Variants in CNTNAP2 observed in about 807,000 individuals in gnomAD.
The protein encoded by CNTNAP2 is contactin-associated protein-like 2.
Under a neutral mutation model 155.2 loss-of-function variants are expected in CNTNAP2, and 98 were observed. The ratio of observed to expected loss-of-function variants is 0.63; its 90% CI spans 0.54 to 0.75. The LOEUF (loss-of-function observed/expected upper bound fraction) is 0.75, where lower values mean the gene tolerates loss of function less well. CNTNAP2 is among the 30% of genes least tolerant of loss of function. The pLI is 0.00. For synonymous variants in CNTNAP2, 651 were observed against 631.2 expected, an observed-to-expected ratio of 1.03 and a Z score of -0.47; for missense variants, 1,727 against 1,688.1, an observed-to-expected ratio of 1.02 and a Z score of -0.40.
chr7:147,850,833 A>G (rs1464620377), intron 13 of CNTNAP2, among the ~76,000 whole-genome samples: 6 of 152,176 alleles, frequency 3.9e-5, no homozygotes, highest in Non-Finnish European at 7.4e-5. Context: ...AAGAAAACCT[A>G]GGCAATACCA....
intron 13 of CNTNAP2, among the ~76,000 whole-genome samples, chr7:147,750,564 T>A (rs1188199151): frequency 6.6e-6 from 1 of 152,214 alleles, no homozygotes; most frequent in Non-Finnish European, 1.5e-5. Flanking sequence ...GGTCTGTACT[T>A]CATAGGTGAC....
chr7:147,496,427 C>A (rs1187397683), intron 11 of CNTNAP2, among the ~76,000 whole-genome samples: 1 of 152,112 alleles, frequency 6.6e-6, no homozygotes, highest in Non-Finnish European at 1.5e-5. Flanking sequence ...TTTTTGAAAA[C>A]CATTTGGATG....
At chr7:147,912,226 A>G (rs947505762) in intron 14 of CNTNAP2, among the ~76,000 whole-genome samples, 13 of 152,296 alleles carry the variant, frequency 8.5e-5, no homozygotes, top group African/African-American at 3.1e-4. Flanking sequence ...AGGCACATCC[A>G]TATTTCACTA....
chr7:147,511,727 G>C (rs896823956), intron 11 of CNTNAP2, among the ~76,000 whole-genome samples: 2 of 151,488 alleles, frequency 1.3e-5, no homozygotes, highest in Admixed American at 6.6e-5. Flanking sequence ...TGTGTAGATA[G>C]AAAGCTCTTT....
intron 18 of CNTNAP2, among the ~76,000 whole-genome samples, chr7:148,208,818 GA>G (rs1377858874): frequency 6.6e-6 from 1 of 152,062 alleles, no homozygotes; most frequent in African/African-American, 2.4e-5. Context: ...CCTCTTTCTT[GA>G]AAAACCCTTT....
intron 3 of CNTNAP2, among the ~76,000 whole-genome samples, chr7:146,950,519 C>T (rs1436525052): frequency 6.6e-6 from 1 of 152,088 alleles, no homozygotes; most frequent in Non-Finnish European, 1.5e-5. Context: ...TGTTTAATTA[C>T]CACTTATGAG....
intron 13 of CNTNAP2, among the ~76,000 whole-genome samples, chr7:147,725,241 A>C (rs10156108): frequency 0.078 from 11,879 of 152,072 alleles, 1,128 homozygotes; most frequent in African/African-American, 0.22. Context: ...ATCTTTTGAG[A>C]ATTTAAACCC....
At chr7:147,102,954 C>T (rs1175564060) in intron 4 of CNTNAP2, among the ~76,000 whole-genome samples, 1 of 152,096 alleles carries the variant, frequency 6.6e-6, no homozygotes, top group African/African-American at 2.4e-5. Context: ...CTAATGTTAC[C>T]AGTCTTTTCA....
At chr7:147,089,847 C>A (rs1454892503) in intron 4 of CNTNAP2, among the ~76,000 whole-genome samples, 2 of 152,194 alleles carry the variant, frequency 1.3e-5, no homozygotes, top group African/African-American at 4.8e-5. Context: ...TTCATATAAG[C>A]ACCCGTCCTC....
intron 10 of CNTNAP2, among the ~76,000 whole-genome samples, chr7:147,462,187 C>A (rs1186393183): frequency 6.6e-6 from 1 of 152,190 alleles, no homozygotes; most frequent in Non-Finnish European, 1.5e-5. Context: ...CTCCCCATCA[C>A]CACCATAGAT....
intron 14 of CNTNAP2, among the ~76,000 whole-genome samples, chr7:147,945,914 C>A (rs1800813414): frequency 7.2e-6 from 1 of 138,158 alleles, no homozygotes; most frequent in African/African-American, 2.7e-5. Context: ...TCGCCCCAGG[C>A]TGGAGTGCGG....
chr7:146,696,651 A>T (rs1328396737), intron 1 of CNTNAP2, among the ~76,000 whole-genome samples: 2 of 152,100 alleles, frequency 1.3e-5, no homozygotes, highest in Non-Finnish European at 2.9e-5. Context: ...TAATACATGC[A>T]TTCAGTGCTA....
chr7:147,907,859 G>A (rs1035681865), intron 14 of CNTNAP2, among the ~76,000 whole-genome samples: 4 of 151,924 alleles, frequency 2.6e-5, no homozygotes, highest in South Asian at 4.2e-4. Flanking sequence ...TAGGCTCACC[G>A]CAACCTCTGC....
chr7:148,159,942 T>G (rs577517530), intron 17 of CNTNAP2, among the ~76,000 whole-genome samples: 1 of 152,258 alleles, frequency 6.6e-6, no homozygotes, highest in East Asian at 1.9e-4. Flanking sequence ...GTCTCTGCTC[T>G]TAAAACTACC....
In CNTNAP2 at chr7:147,018,481, G is replaced by C. The variant is rs377710022; in HGVS notation, c.403-25426G>C. ...TTACTAGGGTCTTAACTGGATGACT[G>C]GTTTGGATGGGGAAAGGGATAAGAG... On this transcript the variant is annotated intron_variant, in intron 3 of 23. Coordinates refer to ENST00000361727, the MANE Select transcript of CNTNAP2 (RefSeq NM_014141.6). Among the ~76,000 whole-genome samples the C allele has an allele frequency of 5.1e-4, 77 of 152,090 alleles. 1 individual carries two copies. The South Asian group carries it at 0.015, about 30-fold the overall frequency.
At chr7:148,218,237 T>G (rs1172060907) in intron 19 of CNTNAP2, among the ~76,000 whole-genome samples, 2 of 152,318 alleles carry the variant, frequency 1.3e-5, no homozygotes, top group East Asian at 3.9e-4. Context: ...ATAAATTAAT[T>G]TTATCCTGAT....
intron 3 of CNTNAP2, among the ~76,000 whole-genome samples, chr7:146,924,761 G>A (rs948865886): frequency 1.3e-5 from 2 of 151,958 alleles, no homozygotes; most frequent in Non-Finnish European, 2.9e-5. Flanking sequence ...TTAAAGACCT[G>A]AAGAGTTTTT....
At chr7:147,478,819 C>A (rs886274686) in intron 10 of CNTNAP2, among the ~76,000 whole-genome samples, 2 of 152,208 alleles carry the variant, frequency 1.3e-5, no homozygotes, top group Admixed American at 1.3e-4. Flanking sequence ...GACATAAATT[C>A]TATTGCTATA....
chr7:147,132,270 A>G lies in CNTNAP2; in HGVS notation c.1109A>G (p.Glu370Gly), dbSNP rs754356364. Residue 370 changes from glutamate to glycine, a missense_variant, in exon 8 of 24, where the codon GAA becomes GGA. Transcript: ENST00000361727. Reference protein sequence around the residue: ...NVGNLSFSCVEPYTVPVFFNA... With the variant: ...NVGNLSFSCVGPYTVPVFFNA... ...GGAAATTTGAGCTTTTCTTGTGTGGAACCCTATACGGTGCCTGTCTTTTTC... is the reference window on the plus strand; with the variant it reads ...GGAAATTTGAGCTTTTCTTGTGTGGGACCCTATACGGTGCCTGTCTTTTTC... 2 of 1,613,688 alleles carry G rather than the reference A, an allele frequency of 1.2e-6. No individual in the cohort carries two copies. The highest frequency in any genetic ancestry group is 2.2e-5 in the South Asian group (2 of 91,084).
Sources: allele counts gnomAD v4.1 joint callset (sites outside exome capture counted in the v4.1 genomes callset), GRCh38; gene constraint gnomAD v4.1.1; transcripts MANE v1.5; gene names NCBI Gene and HGNC (gene_info 2026-07-23, HGNC 2026-07-21).